Variants in CACNG3 observed in about 807,000 individuals in gnomAD.
CACNG3 encodes voltage-dependent calcium channel gamma-3 subunit.
CACNG3 carries 3 observed loss-of-function variants against 28.5 expected under a neutral mutation model. The observed-to-expected ratio is 0.11, with a 90% CI of 0.05 to 0.27. The LOEUF (loss-of-function observed/expected upper bound fraction) is 0.27, where lower values mean the gene tolerates loss of function less well. Ranked by LOEUF, CACNG3 falls within the 10% of genes least tolerant of loss-of-function variation. The pLI, the probability that CACNG3 is intolerant of heterozygous loss-of-function variation, is 1.00. For synonymous variants in CACNG3, 174 were observed against 162.2 expected (o/e 1.07, Z -0.55); for missense variants, 236 against 414.4 (o/e 0.57, Z 3.74).
At chr16:24,337,894 C>T (rs1025001920) in intron 1 of CACNG3, among the ~76,000 whole-genome samples, 3 of 128,182 alleles carry the variant, frequency 2.3e-5, no homozygotes, top group South Asian at 5.1e-4. Flanking sequence ...GGTTGAGTTG[C>T]ACATGGACAT....
chr16:24,339,014 T>C (rs1899746718), intron 1 of CACNG3, among the ~76,000 whole-genome samples: 2 of 152,214 alleles, frequency 1.3e-5, no homozygotes, highest in Non-Finnish European at 2.9e-5. Context: ...AGGTCTCAGC[T>C]TAGACATAAT....
intron 1 of CACNG3, among the ~76,000 whole-genome samples, chr16:24,290,435 A>C (rs775920169): frequency 4.6e-5 from 7 of 152,152 alleles, no homozygotes; most frequent in Non-Finnish European, 8.8e-5. Flanking sequence ...TCAATTCCAT[A>C]TTTGCAGTGT....
Position 24,361,791 on chromosome 16 carries a change from C to A in CACNG3, c.876C>A (p.His292Gln). 1 of 1,614,024 alleles carries A rather than the reference C, an allele frequency of 6.2e-7. No individual in the cohort carries two copies. Among genetic ancestry groups the A allele is most frequent in the South Asian group, 1.1e-5 (1 of 91,074 alleles). ...SDRDHAFLQFHNSTPKEFKES... is the reference protein window; with the variant it reads ...SDRDHAFLQFQNSTPKEFKES... ...GGGACCACGCTTTTCTACAGTTCCACAATTCCACACCCAAAGAGTTCAAAG... is the reference window on the plus strand; with the variant it reads ...GGGACCACGCTTTTCTACAGTTCCAAAATTCCACACCCAAAGAGTTCAAAG... The change falls in exon 4 of 4, where the codon CAC (histidine) becomes CAA (glutamine). Residue 292 changes from histidine (H) to glutamine (Q), a missense_variant. Physicochemically the swap from His to Gln is conservative, Grantham distance 24. Transcript: ENST00000005284. The surrounding 1 kb of genome is among the most constrained non-coding windows in gnomAD (Gnocchi z 6.8).
intron 1 of CACNG3, among the ~76,000 whole-genome samples, chr16:24,284,780 A>G (rs1280619681): frequency 6.6e-6 from 1 of 152,174 alleles, no homozygotes. Context: ...TAATGTGAAG[A>G]GGTCCTTTTG....
At chr16:24,288,448 G>A (rs551893661) in intron 1 of CACNG3, among the ~76,000 whole-genome samples, 10 of 152,258 alleles carry the variant, frequency 6.6e-5, no homozygotes, top group African/African-American at 2.2e-4. Context: ...TAGGAGTATC[G>A]CTCGTGCTTT....
intron 1 of CACNG3, among the ~76,000 whole-genome samples, chr16:24,282,406 CTT>C (rs11457090): frequency 1.4e-5 from 2 of 146,004 alleles, no homozygotes; most frequent in Non-Finnish European, 1.5e-5. Context: ...TCATTACTTC[CTT>C]TTTTTTTTTT....
chr16:24,268,173 C>A (rs140642325), intron 1 of CACNG3, among the ~76,000 whole-genome samples: 1 of 152,316 alleles, frequency 6.6e-6, no homozygotes, highest in Non-Finnish European at 1.5e-5. Flanking sequence ...GTACCTTCTT[C>A]TGTTTCTCAT....
At chr16:24,324,680 A>G (rs550722742) in intron 1 of CACNG3, among the ~76,000 whole-genome samples, 13 of 152,296 alleles carry the variant, frequency 8.5e-5, no homozygotes, top group African/African-American at 3.1e-4. Context: ...TGCCCTTGGA[A>G]TAAATGCTCC....
At chr16:24,319,581 C>A (rs115833153) in intron 1 of CACNG3, among the ~76,000 whole-genome samples, 1 of 150,332 alleles carries the variant, frequency 6.7e-6, no homozygotes, top group Admixed American at 6.7e-5. Flanking sequence ...TAGGCATGTG[C>A]CATGCCTGGC....
At chr16:24,312,987 G>T (rs1474489471) in intron 1 of CACNG3, among the ~76,000 whole-genome samples, 11 of 132,982 alleles carry the variant, frequency 8.3e-5, no homozygotes, top group Admixed American at 6.7e-4. Flanking sequence ...AGAAATAAAA[G>T]AAAGAAAGAA....
At chr16:24,275,532 C>T (rs759248533) in intron 1 of CACNG3, among the ~76,000 whole-genome samples, 4 of 152,128 alleles carry the variant, frequency 2.6e-5, no homozygotes, top group South Asian at 2.1e-4. Context: ...GACTGAGTTG[C>T]GAGCTGAACT....
intron 1 of CACNG3, among the ~76,000 whole-genome samples, chr16:24,331,235 C>G (rs374800833): frequency 1.3e-5 from 2 of 152,094 alleles, no homozygotes; most frequent in African/African-American, 4.8e-5. Flanking sequence ...AATGAAGGAC[C>G]AAGGAAAACA....
At chr16:24,336,874 G>C (rs963120498) in intron 1 of CACNG3, among the ~76,000 whole-genome samples, 1 of 152,030 alleles carries the variant, frequency 6.6e-6, no homozygotes, top group Non-Finnish European at 1.5e-5. Flanking sequence ...GAGTGTAGTG[G>C]TGTGATCATA....
chr16:24,328,397 A>G (rs1899586481), intron 1 of CACNG3, among the ~76,000 whole-genome samples: 1 of 149,624 alleles, frequency 6.7e-6, no homozygotes, highest in African/African-American at 2.5e-5. Flanking sequence ...CACATCACAG[A>G]GGATCTCGTA....
At chr16:24,263,598 T>C (rs1441115703) in intron 1 of CACNG3, among the ~76,000 whole-genome samples, 1 of 152,066 alleles carries the variant, frequency 6.6e-6, no homozygotes. Context: ...GCAGGGGCTT[T>C]GGGAGCAGGT....
In CACNG3 at chr16:24,354,894, G is replaced by A; in HGVS notation, c.357G>A (p.Gly119=). 6.2e-7 allele frequency: 1 copy of A among 1,612,352 alleles called. No homozygotes were observed. Among genetic ancestry groups the A allele is most frequent in the Non-Finnish European group, 8.5e-7 (1 of 1,179,998 alleles). The change falls in exon 3 of 4, where the codon GGG becomes GGA. Residue 119 remains glycine (G), a synonymous_variant. Transcript: ENST00000005284. ...ILSVTLLFFG[G]LCVAASEFHR... Reference sequence around the variant, plus strand: ...GTGTCACGCTGCTGTTCTTCGGCGGGCTCTGCGTGGCAGCCAGTGAGTTCC... The same window carrying A: ...GTGTCACGCTGCTGTTCTTCGGCGGACTCTGCGTGGCAGCCAGTGAGTTCC...
chr16:24,351,586 AGGAAGGGGAAGG>A lies in CACNG3; in HGVS notation c.296-3222_296-3211del, dbSNP rs367559338. 4.1e-3 allele frequency among the ~76,000 whole-genome samples: 353 copies of A among 86,430 alleles called. 1 individual carries two copies. The highest frequency in any genetic ancestry group is 0.015 in the African/African-American group (310 of 20,844). The allele number at this position is 86,430 out of a possible 152,430, so 56.7% of individuals were successfully genotyped here. ...ACTCCATCAAAAAAGGGAAGGGAAG[AGGAAGGGGAAGG>A]GGAAGGGGAAGGGGAAGGGGAAGGA... On this transcript the variant is annotated intron_variant, in intron 2 of 3. Coordinates refer to ENST00000005284, the MANE Select transcript of CACNG3 (RefSeq NM_006539.4).
chr16:24,317,684 G>GAAAGAA (rs1899397491), intron 1 of CACNG3, among the ~76,000 whole-genome samples: 1 of 104,716 alleles, frequency 9.5e-6, no homozygotes, highest in South Asian at 2.8e-4. Flanking sequence ...AAGAAAGAAA[G>GAAAGAA]AAAGAAAGAA....
At chr16:24,328,077 T>A (rs1899582136) in intron 1 of CACNG3, among the ~76,000 whole-genome samples, 1 of 152,172 alleles carries the variant, frequency 6.6e-6, no homozygotes. Flanking sequence ...AAGACAGAGA[T>A]GCTCTTGGGA....
Sources: gnomAD v4.1 joint callset for allele counts (sites outside exome capture counted in the v4.1 genomes callset) on GRCh38, gnomAD v4.1.1 for gene constraint, Gnocchi (gnomAD v3.1) non-coding constraint, MANE v1.5 for transcripts, NCBI Gene and HGNC (gene_info 2026-07-23, HGNC 2026-07-21) for gene names.